The following PRKCA variants were observed in gnomAD, a reference collection of about 807,000 sequenced individuals.
PRKCA encodes protein kinase C alpha type.
A neutral mutation model predicts 87.0 loss-of-function variants in PRKCA; 27 were observed. That is an observed-to-expected ratio of 0.31 (90% CI 0.23 to 0.43). The LOEUF is 0.43. Among genes scored for constraint, PRKCA ranks in the 20% least tolerant of loss-of-function variants. PRKCA has a pLI of 1.00. For missense variants in PRKCA, 518 were observed against 852.3 expected (o/e 0.61, Z 4.88); for synonymous variants, 329 against 311.1 (o/e 1.06, Z -0.61).
chr17:66,587,296 G>A (rs1969626146), intron 3 of PRKCA, among the ~76,000 whole-genome samples: 1 of 152,120 alleles, frequency 6.6e-6, no homozygotes, highest in African/African-American at 2.4e-5. Flanking sequence ...GATGTGCAGT[G>A]TTACTGTACA....
intron 2 of PRKCA, among the ~76,000 whole-genome samples, chr17:66,353,456 CTG>C (rs1404045729): frequency 6.6e-6 from 1 of 152,144 alleles, no homozygotes; most frequent in Non-Finnish European, 1.5e-5. Context: ...TGACTCATAC[CTG>C]TAATCCCAGC....
At chr17:66,370,549 C>CTTTTTTTTTTTTTTTTTTTT (rs555797425) in intron 2 of PRKCA, among the ~76,000 whole-genome samples, 2 of 113,670 alleles carry the variant, frequency 1.8e-5, no homozygotes, top group African/African-American at 3.5e-5. Flanking sequence ...CTTTTCTTTT[C>CTTTTTTTTTTTTTTTTTTTT]TTTTTTTTTT....
intron 2 of PRKCA, among the ~76,000 whole-genome samples, chr17:66,489,094 T>TA (rs562098833): frequency 1.0e-3 from 152 of 151,760 alleles, no homozygotes; most frequent in Middle Eastern, 3.4e-3. Context: ...TTTTTGTATT[T>TA]AAAAAAAAGA....
intron 14 of PRKCA, chr17:66,774,725 A>T: frequency 2.0e-6 from 2 of 985,686 alleles, no homozygotes; most frequent in Non-Finnish European, 2.4e-6. Context: ...GTCTGCAAAG[A>T]TTGCCCCAGC....
At chr17:66,336,097 G>C (rs1454349723) in intron 2 of PRKCA, among the ~76,000 whole-genome samples, 1 of 152,084 alleles carries the variant, frequency 6.6e-6, no homozygotes, top group Non-Finnish European at 1.5e-5. Context: ...TATTACTGAT[G>C]ACTTCTGTTT....
chr17:66,422,594 T>C lies in PRKCA; in HGVS notation c.206-73607T>C, dbSNP rs35476139. On this transcript the variant is annotated intron_variant, in intron 2 of 16. Coordinates refer to ENST00000413366, the MANE Select transcript of PRKCA (RefSeq NM_002737.3). ...GGCTTCAGGGCTCTGTGCAATAATA[T>C]AGAAATAGAGAATCTCACACTGAAG... 1.9e-3 allele frequency among the ~76,000 whole-genome samples: 296 copies of C among 152,266 alleles called. 1 individual carries two copies. The highest frequency in any genetic ancestry group is 0.017 in the South Asian group (84 of 4,808).
Position 66,807,751 on chromosome 17 carries a change from A to T in PRKCA, c.*3714A>T, listed in dbSNP as rs924378184. ...CTCTCGGAGCCAAAGTCCTTAGGCGAGTGTGGTGACTTCCTGGAAGGAGGA... is the reference window on the plus strand; with the variant it reads ...CTCTCGGAGCCAAAGTCCTTAGGCGTGTGTGGTGACTTCCTGGAAGGAGGA... On this transcript the variant is annotated 3_prime_UTR_variant, in exon 17 of 17. Coordinates refer to ENST00000413366, the MANE Select transcript of PRKCA (RefSeq NM_002737.3). The surrounding 1 kb of genome is among the most constrained non-coding windows in gnomAD (Gnocchi z 4.3). 1 of 152,234 alleles carries T rather than the reference A, an allele frequency of 6.6e-6. No homozygotes were observed. Among genetic ancestry groups the T allele is most frequent in the African/African-American group, 2.4e-5 (1 of 41,454 alleles). 9.4% of individuals were successfully genotyped at this position (152,234 alleles called of 1,614,324 possible). A position where few individuals can be genotyped will look rare whatever the true frequency, so the allele number is the denominator to read the frequency against.
intron 2 of PRKCA, among the ~76,000 whole-genome samples, chr17:66,483,026 G>A (rs944360588): frequency 7.1e-5 from 10 of 141,096 alleles, no homozygotes; most frequent in African/African-American, 2.5e-4. Flanking sequence ...AGGTACCCTC[G>A]GTATTTTTAA....
intron 2 of PRKCA, among the ~76,000 whole-genome samples, chr17:66,346,221 C>T (rs572926284): frequency 7.0e-4 from 106 of 151,616 alleles, no homozygotes; most frequent in African/African-American, 2.3e-3. Flanking sequence ...CTCAACCTCT[C>T]GAGTAGCTGG....
chr17:66,438,708 A>G (rs1178322036), intron 2 of PRKCA, among the ~76,000 whole-genome samples: 1 of 152,162 alleles, frequency 6.6e-6, no homozygotes, highest in Non-Finnish European at 1.5e-5. Flanking sequence ...GAAACTCACA[A>G]TCATGGTGGA....
intron 6 of PRKCA, 82 bp downstream of exon 6, chr17:66,687,349 T>A: frequency 1.4e-6 from 2 of 1,465,908 alleles, no homozygotes; most frequent in Non-Finnish European, 9.3e-7. Flanking sequence ...ATGAAGTAGG[T>A]TCATTATAAA....
At chr17:66,571,859 G>A (rs752295614) in intron 3 of PRKCA, among the ~76,000 whole-genome samples, 5 of 152,156 alleles carry the variant, frequency 3.3e-5, no homozygotes, top group East Asian at 3.9e-4. Flanking sequence ...TTTGAAATAC[G>A]AAGCCTGTTG....
intron 3 of PRKCA, among the ~76,000 whole-genome samples, chr17:66,590,148 C>T (rs898638779): frequency 6.6e-6 from 1 of 152,128 alleles, no homozygotes; most frequent in African/African-American, 2.4e-5. Flanking sequence ...AGGCTCAGGA[C>T]ATGAGGAAAC....
chr17:66,678,048 C>G (rs1245250523), intron 5 of PRKCA, among the ~76,000 whole-genome samples: 1 of 152,146 alleles, frequency 6.6e-6, no homozygotes, highest in Non-Finnish European at 1.5e-5. Flanking sequence ...TAAATGTGCC[C>G]TTAATTTGGA....
At chr17:66,393,890 A>G (rs1910513818) in intron 2 of PRKCA, among the ~76,000 whole-genome samples, 2 of 152,146 alleles carry the variant, frequency 1.3e-5, no homozygotes, top group Admixed American at 6.5e-5. Flanking sequence ...CCTGGCCAAC[A>G]TGGTGAAAGC....
rs113633041 is a variant in PRKCA, at chr17:66,800,238, T to G, written c.1855-3635T>G. On this transcript the variant is annotated intron_variant, in intron 16 of 16. Coordinates refer to ENST00000413366, the MANE Select transcript of PRKCA (RefSeq NM_002737.3). ...AGTTCAGGGAAAATTCCAAAGAGAT[T>G]TACAGTGAGAAAGAAGAGGAAGGTG... 6.6e-5 allele frequency among the ~76,000 whole-genome samples: 10 copies of G among 152,302 alleles called. 1 individual carries two copies. The highest frequency in any genetic ancestry group is 2.4e-4 in the African/African-American group (10 of 41,570).
intron 8 of PRKCA, among the ~76,000 whole-genome samples, chr17:66,715,934 G>T (rs1410185316): frequency 1.3e-5 from 2 of 152,158 alleles, no homozygotes; most frequent in Admixed American, 6.5e-5. Flanking sequence ...AAGATTCCAT[G>T]ACACCTGCAC....
chr17:66,330,573 C>T (rs1329296381), intron 2 of PRKCA, among the ~76,000 whole-genome samples: 1 of 152,034 alleles, frequency 6.6e-6, no homozygotes, highest in African/African-American at 2.4e-5. Context: ...AGAGATAAAG[C>T]GGATCAGTAG....
intron 14 of PRKCA, among the ~76,000 whole-genome samples, chr17:66,784,755 T>C (rs1975335523): frequency 6.6e-6 from 1 of 152,198 alleles, no homozygotes; most frequent in Non-Finnish European, 1.5e-5. Flanking sequence ...CCCCCACCAC[T>C]GCCTGCCTGC....
Sources: allele counts gnomAD v4.1 joint callset (sites outside exome capture counted in the v4.1 genomes callset), GRCh38; gene constraint gnomAD v4.1.1; non-coding constraint Gnocchi (gnomAD v3.1); transcripts MANE v1.5; gene names NCBI Gene and HGNC (gene_info 2026-07-23, HGNC 2026-07-21).